Variants in CNTN5 observed in about 807,000 individuals in gnomAD.
CNTN5 encodes the protein contactin 5.
CNTN5 carries 77 observed loss-of-function variants against 129.1 expected under a neutral mutation model. That is an observed-to-expected ratio of 0.60 (90% CI 0.50 to 0.72). CNTN5 has a LOEUF of 0.72. CNTN5 is among the 30% of genes least tolerant of loss of function. The pLI is 0.00. For synonymous variants in CNTN5, 509 were observed against 465.6 expected (o/e 1.09, Z -1.20); for missense variants, 1,478 against 1,328.8 (o/e 1.11, Z -1.75).
chr11:99,980,379 G>T (rs567639196), intron 8 of CNTN5, among the ~76,000 whole-genome samples: 1 of 152,186 alleles, frequency 6.6e-6, no homozygotes, highest in South Asian at 2.1e-4. Context: ...GTTGAGCTGA[G>T]ATAGGACAAT....
rs529665036 is a variant in CNTN5, at chr11:99,425,108, C to A, written c.-71+99624C>A. On this transcript the variant is annotated intron_variant, in intron 2 of 24. Transcript: ENST00000524871. ...TAGCTCCGTCCCACAGCTGGTAATCCCAATGTCTCTGTGAGTCTGGCTGAG... is the reference window on the plus strand; with the variant it reads ...TAGCTCCGTCCCACAGCTGGTAATCACAATGTCTCTGTGAGTCTGGCTGAG... 1.2e-3 allele frequency among the ~76,000 whole-genome samples: 185 copies of A among 152,252 alleles called. 4 individuals are homozygous for A. Among genetic ancestry groups the A allele is most frequent in the Admixed American group, 0.012 (185 of 15,292 alleles).
intron 6 of CNTN5, among the ~76,000 whole-genome samples, chr11:99,875,314 G>C (rs1164425214): frequency 6.7e-6 from 1 of 150,214 alleles, no homozygotes. Context: ...TCATACGTTG[G>C]TATGATTTTT....
intron 9 of CNTN5, among the ~76,000 whole-genome samples, chr11:100,021,842 C>A (rs1472548692): frequency 2.0e-5 from 3 of 152,118 alleles, no homozygotes; most frequent in Non-Finnish European, 1.5e-5. Flanking sequence ...CCCAAGAGCC[C>A]CTGGCAAACC....
In CNTN5 at chr11:100,308,529, A is replaced by G. The variant is rs550599679; in HGVS notation, c.2730+61A>G. Reference sequence around the variant, plus strand: ...TTCTTCTGACATCACATTCTCCTAAAGAGAGGTTTTGGTGACACCTCAGAA... The same window carrying G: ...TTCTTCTGACATCACATTCTCCTAAGGAGAGGTTTTGGTGACACCTCAGAA... On this transcript the variant is annotated intron_variant, in intron 21 of 24. Transcript: ENST00000524871. The G allele has an allele frequency of 5.9e-6, 9 of 1,526,808 alleles. No homozygotes were observed. In the African/African-American group the frequency reaches 1.2e-4, roughly 21 times the overall value. 94.6% of individuals were successfully genotyped at this position (1,526,808 alleles called of 1,614,324 possible). A position where few individuals can be genotyped will look rare whatever the true frequency, so the allele number is the denominator to read the frequency against.
intron 15 of CNTN5, among the ~76,000 whole-genome samples, chr11:100,216,838 A>C (rs1466881775): frequency 6.6e-6 from 1 of 152,154 alleles, no homozygotes; most frequent in East Asian, 1.9e-4. Flanking sequence ...AATTTGAATT[A>C]ACTAGTGCAA....
chr11:99,702,677 T>C (rs1000853046), intron 3 of CNTN5, among the ~76,000 whole-genome samples: 4 of 150,960 alleles, frequency 2.6e-5, no homozygotes, highest in African/African-American at 9.7e-5. Context: ...TATCAATATT[T>C]TTCAGGATAC....
chr11:99,563,456 T>C (rs949801328), intron 3 of CNTN5, among the ~76,000 whole-genome samples: 18 of 152,312 alleles, frequency 1.2e-4, no homozygotes, highest in Admixed American at 1.1e-3. Context: ...GGAGAAACTG[T>C]TTATGGAAAT....
At chr11:99,211,216 G>A (rs1350096786) in intron 1 of CNTN5, among the ~76,000 whole-genome samples, 1 of 151,918 alleles carries the variant, frequency 6.6e-6, no homozygotes, top group Non-Finnish European at 1.5e-5. Context: ...GATTTTCATG[G>A]TATTCTCTTT....
intron 13 of CNTN5, among the ~76,000 whole-genome samples, chr11:100,110,064 A>G (rs1945593022): frequency 6.6e-6 from 1 of 151,764 alleles, no homozygotes; most frequent in Non-Finnish European, 1.5e-5. Context: ...CTGTAGTCCC[A>G]TAGTCCCAGC....
chr11:100,136,066 G>T lies in CNTN5; in HGVS notation c.1581-55060G>T, dbSNP rs968196887. On this transcript the variant is annotated intron_variant, in intron 13 of 24. Transcript: ENST00000524871. ...CTCAATCTATAAATCATACAGTATT[G>T]TCTTAACTTTGGAATAATGTTTTGT... Among the ~76,000 whole-genome samples the T allele has an allele frequency of 3.3e-5, 5 of 152,190 alleles. No individual in the cohort carries two copies. The South Asian group carries it at 1.0e-3, about 32-fold the overall frequency.
At chr11:99,254,214 A>G (rs1044716646) in intron 1 of CNTN5, among the ~76,000 whole-genome samples, 6 of 151,840 alleles carry the variant, frequency 4.0e-5, no homozygotes, top group Non-Finnish European at 8.8e-5. Context: ...GTTGTAGAGG[A>G]GAGATGAACA....
At chr11:99,503,142 T>C (rs2135388055) in intron 2 of CNTN5, among the ~76,000 whole-genome samples, 1 of 152,338 alleles carries the variant, frequency 6.6e-6, no homozygotes, top group Middle Eastern at 3.4e-3. Context: ...GATTATACTA[T>C]GCGTATTCCT....
chr11:99,744,340 CAGAA>C (rs936822674), intron 3 of CNTN5, among the ~76,000 whole-genome samples: 14 of 151,618 alleles, frequency 9.2e-5, no homozygotes, highest in African/African-American at 2.7e-4. Flanking sequence ...AACAAACAAA[CAGAA>C]AGAAAACACA....
Position 99,746,367 on chromosome 11 carries a change from T to C in CNTN5, c.56-73177T>C, listed in dbSNP as rs182134557. 4.0e-3 allele frequency among the ~76,000 whole-genome samples: 607 copies of C among 152,282 alleles called. 6 individuals carry two copies. The highest frequency in any genetic ancestry group is 0.014 in the African/African-American group (588 of 41,556). Reference sequence around the variant, plus strand: ...GTGTGTTCTTGGCAATTTATCAAATTTCAACTGACAGTAAATGCTTAGATT... The same window carrying C: ...GTGTGTTCTTGGCAATTTATCAAATCTCAACTGACAGTAAATGCTTAGATT... On this transcript the variant is annotated intron_variant, in intron 3 of 24. Transcript: ENST00000524871.
chr11:99,856,942 G>A (rs189638880), intron 6 of CNTN5, among the ~76,000 whole-genome samples: 1 of 151,902 alleles, frequency 6.6e-6, no homozygotes, highest in African/African-American at 2.4e-5. Context: ...CTGGGCAACT[G>A]TTCAATAACC....
chr11:100,198,862 C>G (rs1948710578), intron 15 of CNTN5, among the ~76,000 whole-genome samples: 1 of 151,768 alleles, frequency 6.6e-6, no homozygotes, highest in South Asian at 2.1e-4. Flanking sequence ...AATATAAACC[C>G]CTTAGTGCCT....
intron 3 of CNTN5, among the ~76,000 whole-genome samples, chr11:99,675,136 A>G (rs749240253): frequency 5.9e-5 from 9 of 152,132 alleles, no homozygotes; most frequent in Non-Finnish European, 4.4e-5. Context: ...GTTGGAGTAA[A>G]CATTGCTTCA....
At chr11:99,704,045 G>T (rs973269385) in intron 3 of CNTN5, among the ~76,000 whole-genome samples, 1 of 147,294 alleles carries the variant, frequency 6.8e-6, no homozygotes, top group Admixed American at 6.8e-5. Context: ...TTATATGTGT[G>T]TATATATATA....
intron 9 of CNTN5, among the ~76,000 whole-genome samples, chr11:100,033,953 A>C (rs1029800129): frequency 6.6e-6 from 1 of 151,570 alleles, no homozygotes; most frequent in Non-Finnish European, 1.5e-5. Flanking sequence ...TCTTTCCTCA[A>C]CTCATTTTTA....
Sources: allele counts gnomAD v4.1 joint callset (sites outside exome capture counted in the v4.1 genomes callset), GRCh38; gene constraint gnomAD v4.1.1; transcripts MANE v1.5; gene names NCBI Gene and HGNC (gene_info 2026-07-23, HGNC 2026-07-21).